The following TNS3 variants were observed in gnomAD, a reference collection of about 807,000 sequenced individuals.
TNS3 encodes the protein tensin-3.
Under a neutral mutation model 140.9 loss-of-function variants are expected in TNS3, and 45 were observed. The observed-to-expected ratio is 0.32, with a 90% CI of 0.25 to 0.41. The LOEUF is 0.41. TNS3 is among the 10% of genes least tolerant of loss of function. The probability of loss-of-function intolerance (pLI) is 1.00; values close to 1 mark genes in which losing one functional copy is unlikely to be tolerated. For synonymous variants in TNS3, 815 were observed against 788.4 expected (o/e 1.03, Z -0.56); for missense variants, 1,716 against 1,906.7 (o/e 0.90, Z 1.86).
At chr7:47,417,266 G>C (rs1310829633) in intron 10 of TNS3, among the ~76,000 whole-genome samples, 2 of 152,240 alleles carry the variant, frequency 1.3e-5, no homozygotes, top group Non-Finnish European at 2.9e-5. Context: ...CCCTGACCCA[G>C]GTCTTGTACC....
chr7:47,351,183 C>G (rs908918678), intron 17 of TNS3, among the ~76,000 whole-genome samples: 3 of 152,200 alleles, frequency 2.0e-5, no homozygotes, highest in Non-Finnish European at 4.4e-5. Context: ...AAATCCCGTT[C>G]TAATTTTGCA....
At chr7:47,530,732 G>C (rs1057509410) in intron 1 of TNS3, among the ~76,000 whole-genome samples, 2 of 148,698 alleles carry the variant, frequency 1.3e-5, no homozygotes, top group African/African-American at 5.0e-5. Flanking sequence ...GCTAAGGCAG[G>C]AAATCGCTTG....
intron 10 of TNS3, among the ~76,000 whole-genome samples, chr7:47,416,286 C>T (rs1192627373): frequency 6.6e-6 from 1 of 152,248 alleles, no homozygotes; most frequent in African/African-American, 2.4e-5. Context: ...TACCCTAAGC[C>T]AGAAACGGCC....
chr7:47,562,480 G>A (rs534533370), intron 1 of TNS3, among the ~76,000 whole-genome samples: 5 of 151,864 alleles, frequency 3.3e-5, no homozygotes, highest in South Asian at 2.1e-4. Flanking sequence ...TCCGCCTCCC[G>A]GGTTCAAGCG....
Position 47,340,342 on chromosome 7 carries a change from C to T in TNS3, c.2650+4413G>A, listed in dbSNP as rs1334356001. Among the ~76,000 whole-genome samples the T allele has an allele frequency of 3.3e-5, 5 of 150,546 alleles. No individual in the cohort carries two copies. The East Asian group carries it at 7.8e-4, about 23-fold the overall frequency. On this transcript the variant is annotated intron_variant, in intron 20 of 30. Coordinates refer to ENST00000311160, the MANE Select transcript of TNS3 (RefSeq NM_022748.12). ...TTCACCATGTTGGCCAGGATGGTCTCGATCTCTTGACCTCGTGATCTGCCC... is the reference window on the plus strand; with the variant it reads ...TTCACCATGTTGGCCAGGATGGTCTTGATCTCTTGACCTCGTGATCTGCCC...
intron 4 of TNS3, among the ~76,000 whole-genome samples, chr7:47,451,662 A>C (rs1174329950): frequency 6.6e-6 from 1 of 152,236 alleles, no homozygotes; most frequent in African/African-American, 2.4e-5. Flanking sequence ...CGGTGACGAG[A>C]GACACAGATC....
chr7:47,420,267 T>C (rs976699734), intron 10 of TNS3, among the ~76,000 whole-genome samples: 12 of 152,112 alleles, frequency 7.9e-5, no homozygotes, highest in African/African-American at 2.4e-4. Context: ...CCGCACGCAC[T>C]AGGAGAATGT....
chr7:47,383,382 C>A (rs545966425), intron 16 of TNS3, among the ~76,000 whole-genome samples: 1 of 152,198 alleles, frequency 6.6e-6, no homozygotes, highest in African/African-American at 2.4e-5. Flanking sequence ...TTGCCAGGGG[C>A]TGAGGAAAGG....
rs752786794 is a variant in TNS3 at position 47,369,516 on chromosome 7, G to T, written c.1130C>A (p.Thr377Asn). The change falls in exon 17 of 31, where the codon ACC becomes AAC. Residue 377 changes from threonine (T) to asparagine (N), a missense_variant. By Grantham distance (65) the Thr-to-Asn change is moderately conservative. Coordinates refer to ENST00000311160, the MANE Select transcript of TNS3 (RefSeq NM_022748.12). ...IPGGPQAIPA[T>N]NSPDHSDHTL... ...GTGGTCACTGTGGTCTGGGCTGTTG[G>T]TGGCCGGGATTGCCTGGGGGCCACC... 8.1e-6 allele frequency: 13 copies of T among 1,614,042 alleles called. No homozygotes were observed. The highest frequency in any genetic ancestry group is 1.1e-5 in the Non-Finnish European group (13 of 1,179,956).
At chr7:47,418,682 A>C (rs1042426933) in intron 10 of TNS3, among the ~76,000 whole-genome samples, 1 of 152,248 alleles carries the variant, frequency 6.6e-6, no homozygotes, top group Admixed American at 6.5e-5. Context: ...TAAAAACTAA[A>C]GGATTGTTTT....
intron 6 of TNS3, among the ~76,000 whole-genome samples, 188 bp downstream of exon 6, chr7:47,439,299 G>A (rs1302184911): frequency 6.6e-6 from 1 of 152,202 alleles, no homozygotes; most frequent in Non-Finnish European, 1.5e-5. Flanking sequence ...TACCTACAGA[G>A]ACACATAAGT....
chr7:47,514,641 C>T (rs1415571444), intron 2 of TNS3, among the ~76,000 whole-genome samples: 1 of 152,152 alleles, frequency 6.6e-6, no homozygotes, highest in Non-Finnish European at 1.5e-5. Context: ...AGCTGTCTCT[C>T]TTGTTGCAGC....
intron 28 of TNS3, among the ~76,000 whole-genome samples, chr7:47,281,491 T>C (rs536387769): frequency 7.2e-5 from 11 of 152,318 alleles, no homozygotes; most frequent in Admixed American, 5.9e-4. Flanking sequence ...GGCCAGGAGA[T>C]AGGCTAGGGC....
At chr7:47,574,633 A>ACC (rs1800631714) in intron 1 of TNS3, among the ~76,000 whole-genome samples, 1 of 151,958 alleles carries the variant, frequency 6.6e-6, no homozygotes, top group Non-Finnish European at 1.5e-5. Context: ...ACAGACACAC[A>ACC]CACACACACA....
rs113953724 is a variant in TNS3 at position 47,492,222 on chromosome 7, A to C, written c.-114-11081T>G. ...CTGGCTTTCTGTCATGGCTCTGGCC[A>C]CCCCACAGTGGGGGCAGCCCCTCAC... On this transcript the variant is annotated intron_variant, in intron 3 of 30. Coordinates refer to ENST00000311160, the MANE Select transcript of TNS3 (RefSeq NM_022748.12). Among the ~76,000 whole-genome samples the C allele has an allele frequency of 7.3e-3, 1,115 of 152,216 alleles. 19 individuals carry two copies. Among genetic ancestry groups the C allele is most frequent in the African/African-American group, 0.026 (1,066 of 41,532 alleles).
At chr7:47,569,221 C>T (rs1276367546) in intron 1 of TNS3, among the ~76,000 whole-genome samples, 3 of 152,182 alleles carry the variant, frequency 2.0e-5, no homozygotes, top group African/African-American at 7.2e-5. Context: ...TGCCCAACAT[C>T]TTTATAAGAA....
At chr7:47,526,341 C>T (rs1009437385) in intron 2 of TNS3, among the ~76,000 whole-genome samples, 4 of 152,226 alleles carry the variant, frequency 2.6e-5, no homozygotes, top group African/African-American at 9.6e-5. Context: ...TGGATTACAG[C>T]TCAAGGATGT....
At chr7:47,475,074 C>T (rs750933147) in intron 4 of TNS3, among the ~76,000 whole-genome samples, 8 of 151,472 alleles carry the variant, frequency 5.3e-5, no homozygotes, top group African/African-American at 1.2e-4. Flanking sequence ...ACACACCTCA[C>T]GTACAACACA....
intron 4 of TNS3, among the ~76,000 whole-genome samples, chr7:47,472,921 C>G (rs1797018089): frequency 6.6e-6 from 1 of 152,140 alleles, no homozygotes; most frequent in African/African-American, 2.4e-5. Flanking sequence ...AACGAAGCAC[C>G]CTCCAGAGGG....
Sources: gnomAD v4.1 joint callset for allele counts (sites outside exome capture counted in the v4.1 genomes callset) on GRCh38, gnomAD v4.1.1 for gene constraint, MANE v1.5 for transcripts, NCBI Gene and HGNC (gene_info 2026-07-23, HGNC 2026-07-21) for gene names.